Variants in FGFR1 observed in about 807,000 individuals in gnomAD.
FGFR1 encodes FGFR1/PLAG1 fusion.
A neutral mutation model predicts 93.7 loss-of-function variants in FGFR1; 18 were observed. The observed-to-expected ratio is 0.19, with a 90% CI of 0.13 to 0.28. The LOEUF is 0.28. FGFR1 is among the 10% of genes least tolerant of loss of function. The pLI, the probability that FGFR1 is intolerant of heterozygous loss-of-function variation, is 1.00. For synonymous variants in FGFR1, 448 were observed against 429.3 expected, an observed-to-expected ratio of 1.04 and a Z score of -0.54; for missense variants, 731 against 1,080.4, an observed-to-expected ratio of 0.68 and a Z score of 4.53.
Position 38,458,062 on chromosome 8 carries a change from C to T in FGFR1, c.-88-528G>A, listed in dbSNP as rs73674171. 7.5e-3 allele frequency among the ~76,000 whole-genome samples: 1,137 copies of T among 152,278 alleles called. 19 individuals carry two copies. The highest frequency in any genetic ancestry group is 0.026 in the African/African-American group (1,077 of 41,548). ...ACAGCTATGTTTTGAGTGCAGATTACGTGCAAGCCTGGGAATACCATCATG... is the reference window on the plus strand; with the variant it reads ...ACAGCTATGTTTTGAGTGCAGATTATGTGCAAGCCTGGGAATACCATCATG... On this transcript the variant is annotated intron_variant, in intron 1 of 17. Coordinates refer to ENST00000447712, the MANE Select transcript of FGFR1 (RefSeq NM_023110.3).
At chr8:38,418,049 A>C (rs922985566) in intron 10 of FGFR1, 58 bp from the exon 11 acceptor site, 13 of 1,612,810 alleles carry the variant, frequency 8.1e-6, no homozygotes, top group Non-Finnish European at 1.0e-5. Context: ...AAACCTTGAG[A>C]GGCACCCCAT....
chr8:38,421,777 G>A lies in FGFR1; in HGVS notation c.1081+20C>T, dbSNP rs17175982. 1,760 of 1,613,732 alleles carry A rather than the reference G, an allele frequency of 1.1e-3. 8 individuals carry two copies. The highest frequency in any genetic ancestry group is 6.6e-3 in the Middle Eastern group (40 of 6,060). On this transcript the variant is annotated intron_variant, in intron 8 of 17. Coordinates refer to ENST00000447712, the MANE Select transcript of FGFR1 (RefSeq NM_023110.3). ...CCGTGGCGAGGGCAGGACATCGAGA[G>A]GAGAAGTTACAGTGTGTACCTTCCA...
At chr8:38,459,987 A>G in intron 1 of FGFR1, among the ~76,000 whole-genome samples, 1 of 152,184 alleles carries the variant, frequency 6.6e-6, no homozygotes, top group East Asian at 1.9e-4. Flanking sequence ...AGTTGAGACC[A>G]GACTGGCCAA....
rs1239791872 is a variant in FGFR1 at position 38,468,536 on chromosome 8, C to T, written c.-644G>A. ...CAGCTCCCGGCACACCCGGGTTCCT[C>T]CGCGCGCTGCGGCTGCACCGGCGTC... On this transcript the variant is annotated 5_prime_UTR_variant, in exon 1 of 18. Coordinates refer to ENST00000447712, the MANE Select transcript of FGFR1 (RefSeq NM_023110.3). 1 of 228,548 alleles carries T rather than the reference C, an allele frequency of 4.4e-6. No homozygotes were observed. The highest frequency in any genetic ancestry group is 2.2e-5 in the African/African-American group (1 of 45,050). The allele number at this position is 228,548 out of a possible 1,614,324, so 14.2% of individuals were successfully genotyped here.
chr8:38,421,632 TGA>T, intron 8 of FGFR1, 163 bp downstream of exon 8: 1 of 769,026 alleles, frequency 1.3e-6, no homozygotes, highest in South Asian at 1.5e-5. Flanking sequence ...TTCTCTGAGC[TGA>T]GAGGATTCAG....
chr8:38,461,144 G>C (rs1048297160), intron 1 of FGFR1: 128 of 1,536,028 alleles, frequency 8.3e-5, no homozygotes, highest in Admixed American at 4.5e-4. Flanking sequence ...CTGCATGGGT[G>C]AAAGTGCCTG....
intron 1 of FGFR1, chr8:38,467,563 A>G (rs1265968811): frequency 1.7e-5 from 4 of 234,774 alleles, no homozygotes; most frequent in Non-Finnish European, 3.4e-5. Flanking sequence ...ACACACACAT[A>G]ACACACACAA....
rs536422934 is a variant in FGFR1 at position 38,429,002 on chromosome 8, C to T, written c.359-567G>A. ...TAAGTATTTATTTCTTGTAAGAACA[C>T]GCTTGATACACATGTGGTCACCCAT... On this transcript the variant is annotated intron_variant, in intron 3 of 17. Coordinates refer to ENST00000447712, the MANE Select transcript of FGFR1 (RefSeq NM_023110.3). The surrounding 1 kb of genome is among the most constrained non-coding windows in gnomAD (Gnocchi z 4.4). 4.9e-5 allele frequency: 16 copies of T among 324,278 alleles called. No homozygotes were observed. The Admixed American group carries it at 5.6e-4, about 11-fold the overall frequency. 20.1% of individuals were successfully genotyped at this position (324,278 alleles called of 1,614,324 possible).
chr8:38,435,236 G>C (rs1297661129), intron 2 of FGFR1: 4 of 152,180 alleles, frequency 2.6e-5, no homozygotes, highest in African/African-American at 7.2e-5. Context: ...ACTCAGCGCA[G>C]ACGTACCTGT....
At position 38,414,764 on chromosome 8, in the gene FGFR1, C is replaced by T. The variant is rs769572642; in HGVS notation, c.1977+15G>A. On this transcript the variant is annotated intron_variant, in intron 14 of 17. Coordinates refer to ENST00000447712, the MANE Select transcript of FGFR1 (RefSeq NM_023110.3). The stretch of plus-strand genomic sequence containing the variant: ...GATGAAACCACCAGCACAGGGCGGC[C>T]TTGTCGGCACTCACGTTGGTTGTCT... 4.2e-5 allele frequency: 68 copies of T among 1,613,954 alleles called. No individual in the cohort carries two copies. The highest frequency in any genetic ancestry group is 5.4e-5 in the Non-Finnish European group (64 of 1,180,054).
chr8:38,411,913 G>A lies in FGFR1; in HGVS notation c.*1715C>T, dbSNP rs1814526380. ...ATGGATACAGGAAGGACGATCTGGGGAGGCATACCAACAAGAAACGAAGCC... is the reference window on the plus strand; with the variant it reads ...ATGGATACAGGAAGGACGATCTGGGAAGGCATACCAACAAGAAACGAAGCC... On this transcript the variant is annotated 3_prime_UTR_variant, in exon 18 of 18. Coordinates refer to ENST00000447712, the MANE Select transcript of FGFR1 (RefSeq NM_023110.3). The A allele has an allele frequency of 4.4e-6, 1 of 229,660 alleles. No homozygotes were observed. The highest frequency in any genetic ancestry group is 1.8e-4 in the South Asian group (1 of 5,508). The allele number at this position is 229,660 out of a possible 1,614,324, so 14.2% of individuals were successfully genotyped here.
rs778104598 is a variant in FGFR1 at position 38,418,334 on chromosome 8, G to A, written c.1324C>T (p.Leu442Phe). 2 of 1,614,184 alleles carry A rather than the reference G, an allele frequency of 1.2e-6. No homozygotes were observed. Among genetic ancestry groups the A allele is most frequent in the East Asian group, 2.2e-5 (1 of 44,878 alleles). ...GAGAGCCGTGATGGCCGAACCAGAA[G>A]AACCCCAGAGTTCATGGATGCACTG... is the stretch of plus-strand genomic sequence containing the variant. The part of the protein sequence containing the change: ...DSSASMNSGV[L>F]LVRPSRLSSS... Residue 442 changes from leucine to phenylalanine, a missense_variant, in exon 10 of 18, where the codon CTT (leucine) becomes TTT (phenylalanine). By Grantham distance (22) the Leu-to-Phe change is conservative. Transcript: ENST00000447712.
intron 2 of FGFR1, chr8:38,434,328 GCTTT>G (rs1286555303): frequency 3.8e-5 from 5 of 132,054 alleles, no homozygotes; most frequent in Non-Finnish European, 8.6e-5. Flanking sequence ...TATTGCTGCT[GCTTT>G]TTTTTTTTTT....
chr8:38,465,209 C>T (rs1446655975), intron 1 of FGFR1, among the ~76,000 whole-genome samples: 1 of 152,254 alleles, frequency 6.6e-6, no homozygotes, highest in Non-Finnish European at 1.5e-5. Context: ...CCTAATGGAA[C>T]TGTCTAACAC....
chr8:38,457,668 T>C lies in FGFR1; in HGVS notation c.-88-134A>G, dbSNP rs1833233682. On this transcript the variant is annotated intron_variant, in intron 1 of 17. Coordinates refer to ENST00000447712, the MANE Select transcript of FGFR1 (RefSeq NM_023110.3). ...TACTAAGGCGTCCAGAAGAAAATTGTGAAGCTACCCCAACAATGAATTAGA... is the reference window on the plus strand; with the variant it reads ...TACTAAGGCGTCCAGAAGAAAATTGCGAAGCTACCCCAACAATGAATTAGA... 4 of 804,490 alleles carry C rather than the reference T, an allele frequency of 5.0e-6. No homozygotes were observed. The East Asian group carries it at 1.1e-4, about 22-fold the overall frequency. 49.8% of individuals were successfully genotyped at this position (804,490 alleles called of 1,614,324 possible). A position where few individuals can be genotyped will look rare whatever the true frequency, so the allele number is the denominator to read the frequency against.
intron 2 of FGFR1, among the ~76,000 whole-genome samples, chr8:38,438,106 C>T (rs563422754): frequency 8.5e-5 from 13 of 152,146 alleles, no homozygotes; most frequent in Non-Finnish European, 1.6e-4. Context: ...TAACACAGAC[C>T]CTCCCATTTC....
chr8:38,419,787 G>A (rs759566375), intron 8 of FGFR1, 52 bp from the exon 9 acceptor site: 28 of 1,508,872 alleles, frequency 1.9e-5, no homozygotes, highest in East Asian at 4.6e-5. Context: ...CCGTCCATGC[G>A]AGGTCCCGCT....
At chr8:38,432,515 T>C (rs911900853) in intron 2 of FGFR1, among the ~76,000 whole-genome samples, 4 of 150,906 alleles carry the variant, frequency 2.7e-5, no homozygotes, top group Admixed American at 2.0e-4. Context: ...CGGGTTCAAG[T>C]GATTCTCCTG....
chr8:38,462,502 CA>C (rs879581497), intron 1 of FGFR1, among the ~76,000 whole-genome samples: 49 of 147,222 alleles, frequency 3.3e-4, no homozygotes, highest in Non-Finnish European at 5.4e-4. Flanking sequence ...GACTCCGTCT[CA>C]AAAAAAAAAA....
Sources: gnomAD v4.1 joint callset for allele counts (sites outside exome capture counted in the v4.1 genomes callset) on GRCh38, gnomAD v4.1.1 for gene constraint, Gnocchi (gnomAD v3.1) non-coding constraint, MANE v1.5 for transcripts, NCBI Gene and HGNC (gene_info 2026-07-23, HGNC 2026-07-21) for gene names.